DDX10: variants seen among roughly 807,000 people sequenced by gnomAD.
The protein encoded by DDX10 is DEAD-box helicase 10, also known as probable ATP-dependent RNA helicase DDX10.
A neutral mutation model predicts 104.3 loss-of-function variants in DDX10; 74 were observed. The ratio of observed to expected loss-of-function variants is 0.71; its 90% CI spans 0.59 to 0.86. DDX10 has a LOEUF of 0.86. DDX10 is among the 40% of genes least tolerant of loss of function. DDX10 has a pLI of 0.00. For missense variants in DDX10, 952 were observed against 1,040.0 expected (o/e 0.92, Z 1.16); for synonymous variants, 351 against 353.4 (o/e 0.99, Z 0.08).
intron 17 of DDX10, among the ~76,000 whole-genome samples, chr11:108,927,793 A>G (rs1054664621): frequency 6.6e-6 from 1 of 152,120 alleles, no homozygotes; most frequent in Non-Finnish European, 1.5e-5. Flanking sequence ...GTGCGCCACC[A>G]TGCCTGGCTA....
At chr11:108,806,395 T>C (rs750155284) in intron 13 of DDX10, among the ~76,000 whole-genome samples, 28 of 152,214 alleles carry the variant, frequency 1.8e-4, no homozygotes, top group Non-Finnish European at 3.7e-4. Flanking sequence ...TATGGCGAAC[T>C]TTATGATACT....
chr11:108,922,748 A>G (rs1863851707), intron 17 of DDX10, among the ~76,000 whole-genome samples: 1 of 152,262 alleles, frequency 6.6e-6, no homozygotes, highest in South Asian at 2.1e-4. Context: ...TAGCATGACT[A>G]AAAGAGAACT....
chr11:108,720,891 C>G (rs2094297499), intron 12 of DDX10, among the ~76,000 whole-genome samples: 1 of 116,744 alleles, frequency 8.6e-6, no homozygotes, highest in African/African-American at 2.9e-5. Context: ...CTGTGCCTGG[C>G]CGGGTTTTTT....
In DDX10 at chr11:108,805,769, A is replaced by G. The variant is rs377593966; in HGVS notation, c.1966-32677A>G. 2.0e-5 allele frequency among the ~76,000 whole-genome samples: 3 copies of G among 152,276 alleles called. No individual in the cohort carries two copies. The South Asian group carries it at 6.2e-4, about 32-fold the overall frequency. ...TCATTTGTTGATGTCAGTATGAACA[A>G]CAATTGATAGATGCTTTAATTTTAA... On this transcript the variant is annotated intron_variant, in intron 13 of 17. Coordinates refer to ENST00000322536, the MANE Select transcript of DDX10 (RefSeq NM_004398.4).
In DDX10 at chr11:108,760,165, A is replaced by AT. The variant is rs1453842026; in HGVS notation, c.1965+36705dup. On this transcript the variant is annotated intron_variant, in intron 13 of 17. Transcript: ENST00000322536. ...TTTTCTGTATGGTGTACGTGGGTTGATTCCCCCCCCACCCTTAGCATTCAA... is the reference window on the plus strand; with the variant it reads ...TTTTCTGTATGGTGTACGTGGGTTGATTTCCCCCCCCACCCTTAGCATTCAA... 1.6e-4 allele frequency among the ~76,000 whole-genome samples: 24 copies of AT among 149,820 alleles called. No individual in the cohort carries two copies. The East Asian group carries it at 1.9e-3, about 12-fold the overall frequency.
At chr11:108,788,522 C>T (rs1861827096) in intron 13 of DDX10, among the ~76,000 whole-genome samples, 1 of 152,156 alleles carries the variant, frequency 6.6e-6, no homozygotes, top group Non-Finnish European at 1.5e-5. Context: ...GCCACCACGC[C>T]TGGCTAATTT....
At chr11:108,749,759 T>A (rs1332731102) in intron 13 of DDX10, among the ~76,000 whole-genome samples, 1 of 152,208 alleles carries the variant, frequency 6.6e-6, no homozygotes. Context: ...ACTAGCTGTT[T>A]ATTTTGATTT....
At chr11:108,744,136 C>A (rs1218056189) in intron 13 of DDX10, among the ~76,000 whole-genome samples, 1 of 151,982 alleles carries the variant, frequency 6.6e-6, no homozygotes, top group East Asian at 1.9e-4. Flanking sequence ...TACTTATATT[C>A]CCATTAATAT....
intron 16 of DDX10, among the ~76,000 whole-genome samples, chr11:108,889,339 G>C (rs1008323671): frequency 2.6e-5 from 4 of 152,084 alleles, no homozygotes; most frequent in African/African-American, 9.7e-5. Context: ...TACTGTCACT[G>C]TATAAAACTC....
At chr11:108,856,259 G>C (rs1194687504) in intron 16 of DDX10, among the ~76,000 whole-genome samples, 2 of 152,060 alleles carry the variant, frequency 1.3e-5, no homozygotes, top group Non-Finnish European at 2.9e-5. Flanking sequence ...GCAAAACCCT[G>C]TCTCTACTAA....
chr11:108,741,159 C>T (rs931244887), intron 13 of DDX10, among the ~76,000 whole-genome samples: 20 of 152,082 alleles, frequency 1.3e-4, no homozygotes, highest in African/African-American at 4.8e-4. Context: ...TTCCATGAGC[C>T]TATGCATCTG....
At chr11:108,929,118 T>A (rs1863944100) in intron 17 of DDX10, among the ~76,000 whole-genome samples, 1 of 152,250 alleles carries the variant, frequency 6.6e-6, no homozygotes, top group African/African-American at 2.4e-5. Flanking sequence ...AGGCATTTGA[T>A]AAACTGCTAG....
chr11:108,835,815 CCT>C (rs1034976886), intron 13 of DDX10, among the ~76,000 whole-genome samples: 2 of 151,786 alleles, frequency 1.3e-5, no homozygotes, highest in African/African-American at 4.8e-5. Flanking sequence ...GGGTACTTTT[CCT>C]TTCCATTTGA....
chr11:108,886,967 AT>A (rs1863303922), intron 16 of DDX10, among the ~76,000 whole-genome samples: 1 of 152,092 alleles, frequency 6.6e-6, no homozygotes, highest in Non-Finnish European at 1.5e-5. Flanking sequence ...ACATTACTGT[AT>A]TTTGTCTTCT....
chr11:108,781,841 G>A (rs950662280), intron 13 of DDX10, among the ~76,000 whole-genome samples: 4 of 151,758 alleles, frequency 2.6e-5, no homozygotes. Flanking sequence ...TAGGACAACT[G>A]AATTGCTCTA....
chr11:108,779,409 C>A (rs1344900280), intron 13 of DDX10, among the ~76,000 whole-genome samples: 3 of 152,066 alleles, frequency 2.0e-5, no homozygotes, highest in Non-Finnish European at 4.4e-5. Context: ...AAGCCGGAAA[C>A]CATAATTCTG....
intron 15 of DDX10, among the ~76,000 whole-genome samples, chr11:108,846,853 C>CAGACT (rs1862726192): frequency 6.6e-6 from 1 of 151,620 alleles, no homozygotes; most frequent in Non-Finnish European, 1.5e-5. Flanking sequence ...CAGACCAGAC[C>CAGACT]ATATAGTTTA....
At chr11:108,708,760 G>A (rs1239371873) in intron 10 of DDX10, among the ~76,000 whole-genome samples, 1 of 152,020 alleles carries the variant, frequency 6.6e-6, no homozygotes, top group African/African-American at 2.4e-5. Context: ...TAGAGATGGG[G>A]TCTTGCCATG....
At chr11:108,911,553 CTTCTT>C (rs1565316455) in intron 16 of DDX10, among the ~76,000 whole-genome samples, 75 of 117,196 alleles carry the variant, frequency 6.4e-4, no homozygotes, top group Non-Finnish European at 7.8e-4. Flanking sequence ...TTTGCCTCCT[CTTCTT>C]TTTTTTTTTT....
Sources: gnomAD v4.1 joint callset for allele counts (sites outside exome capture counted in the v4.1 genomes callset) on GRCh38, gnomAD v4.1.1 for gene constraint, MANE v1.5 for transcripts, NCBI Gene and HGNC (gene_info 2026-07-23, HGNC 2026-07-21) for gene names.